The following AGFG1 variants were observed in gnomAD, a reference collection of about 807,000 sequenced individuals.
AGFG1 encodes the protein ArfGAP with FG repeats 1.
AGFG1 carries 10 observed loss-of-function variants against 60.6 expected under a neutral mutation model. That is an observed-to-expected ratio of 0.16 (90% CI 0.10 to 0.28). The LOEUF is 0.28. Among genes scored for constraint, AGFG1 ranks in the 10% least tolerant of loss-of-function variants. The probability of loss-of-function intolerance (pLI) is 1.00; values close to 1 mark genes in which losing one functional copy is unlikely to be tolerated. For missense variants in AGFG1, 537 were observed against 676.5 expected (o/e 0.79, Z 2.29); for synonymous variants, 247 against 242.9 (o/e 1.02, Z -0.16).
At chr2:227,483,063 C>T (rs1324331636) in intron 1 of AGFG1, among the ~76,000 whole-genome samples, 1 of 151,226 alleles carries the variant, frequency 6.6e-6, no homozygotes, top group African/African-American at 2.4e-5. Context: ...CAGTATTGGC[C>T]CCATGAAAGT....
At chr2:227,544,991 T>G (rs1010709571) in intron 10 of AGFG1, among the ~76,000 whole-genome samples, 1 of 152,186 alleles carries the variant, frequency 6.6e-6, no homozygotes, top group Non-Finnish European at 1.5e-5. Flanking sequence ...TTTCCTGAAT[T>G]TGAAGGTTGG....
At chr2:227,498,322 G>A (rs1022574977) in intron 2 of AGFG1, among the ~76,000 whole-genome samples, 3 of 151,728 alleles carry the variant, frequency 2.0e-5, no homozygotes, top group African/African-American at 7.3e-5. Flanking sequence ...TCAGTATGAT[G>A]GTATTAATAA....
intron 2 of AGFG1, among the ~76,000 whole-genome samples, chr2:227,512,407 A>G (rs1351820222): frequency 6.6e-6 from 1 of 152,222 alleles, no homozygotes; most frequent in African/African-American, 2.4e-5. Context: ...GTCAGTCAGA[A>G]ATACTAATCA....
Position 227,524,922 on chromosome 2 carries a change from GT to G in AGFG1, c.694+13del. 6.2e-7 allele frequency: 1 copy of G among 1,613,488 alleles called. No individual in the cohort carries two copies. Among genetic ancestry groups the G allele is most frequent in the Non-Finnish European group, 8.5e-7 (1 of 1,179,520 alleles). On this transcript the variant is annotated splice_region_variant and intron_variant, in intron 5 of 12. Coordinates refer to ENST00000310078, the MANE Select transcript of AGFG1 (RefSeq NM_004504.5). Reference sequence around the variant, plus strand: ...CATTTCAACAGTCATGCAGGTAAGTGTTTTTTCCCAACAGCTTTTGCTGGGG... The same window carrying G: ...CATTTCAACAGTCATGCAGGTAAGTGTTTTTCCCAACAGCTTTTGCTGGGG...
intron 5 of AGFG1, among the ~76,000 whole-genome samples, chr2:227,526,033 T>C (rs1284840381): frequency 1.3e-5 from 2 of 152,228 alleles, no homozygotes; most frequent in African/African-American, 4.8e-5. Context: ...GTTGATTTCC[T>C]AGCATTTTAT....
chr2:227,502,886 A>G (rs1223072049), intron 2 of AGFG1, among the ~76,000 whole-genome samples: 1 of 152,118 alleles, frequency 6.6e-6, no homozygotes, highest in African/African-American at 2.4e-5. Flanking sequence ...TTCTAGCTCT[A>G]TTGTTGAAAA....
chr2:227,548,115 G>T (rs968605205), intron 10 of AGFG1, among the ~76,000 whole-genome samples: 1 of 152,206 alleles, frequency 6.6e-6, no homozygotes, highest in Non-Finnish European at 1.5e-5. Flanking sequence ...GTGGCCATTT[G>T]TATGAAATGT....
intron 11 of AGFG1, among the ~76,000 whole-genome samples, chr2:227,553,389 G>A (rs1330660829): frequency 6.6e-6 from 1 of 151,970 alleles, no homozygotes; most frequent in African/African-American, 2.4e-5. Flanking sequence ...CCAGCTACTC[G>A]GGAAACTGAG....
chr2:227,472,709 C>T lies in AGFG1; in HGVS notation c.167+121C>T, dbSNP rs1252419863. On this transcript the variant is annotated intron_variant, in intron 1 of 12. Coordinates refer to ENST00000310078, the MANE Select transcript of AGFG1 (RefSeq NM_004504.5). ...GGGTGCCGTGGGAGGCGGTCGGGGG[C>T]GGCCGTTGGGCGCCGGCTGGCGGGC... 4 of 1,164,690 alleles carry T rather than the reference C, an allele frequency of 3.4e-6. No individual in the cohort carries two copies. In the African/African-American group the frequency reaches 4.9e-5, roughly 14 times the overall value. The allele number at this position is 1,164,690 out of a possible 1,614,324, so 72.1% of individuals were successfully genotyped here.
intron 5 of AGFG1, among the ~76,000 whole-genome samples, chr2:227,528,953 A>G (rs1692076398): frequency 6.6e-6 from 1 of 152,236 alleles, no homozygotes; most frequent in Admixed American, 6.5e-5. Flanking sequence ...TGAAGAAAGA[A>G]TGAAATAGCT....
At chr2:227,509,821 A>G (rs1691443389) in intron 2 of AGFG1, among the ~76,000 whole-genome samples, 1 of 152,246 alleles carries the variant, frequency 6.6e-6, no homozygotes, top group African/African-American at 2.4e-5. Flanking sequence ...AAATACAGCC[A>G]AATAGCCAAC....
intron 10 of AGFG1, among the ~76,000 whole-genome samples, chr2:227,546,033 A>G (rs1692636347): frequency 6.6e-6 from 1 of 152,138 alleles, no homozygotes; most frequent in South Asian, 2.1e-4. Context: ...TCAGACAGAG[A>G]CGTTTAAGTC....
intron 2 of AGFG1, among the ~76,000 whole-genome samples, chr2:227,514,434 T>C (rs757499256): frequency 6.6e-6 from 1 of 152,084 alleles, no homozygotes; most frequent in Non-Finnish European, 1.5e-5. Flanking sequence ...TCCAGGCTGG[T>C]CTTTACCTCC....
intron 5 of AGFG1, 77 bp from the exon 6 acceptor site, chr2:227,531,014 T>G: frequency 7.7e-7 from 1 of 1,305,012 alleles, no homozygotes; most frequent in Non-Finnish European, 1.0e-6. Context: ...TTCATATAAT[T>G]CTTAAACTCA....
rs1333763498 is a variant in AGFG1 at position 227,539,110 on chromosome 2, AAAGTT to A, written c.1378+2120_1378+2124del. 3.9e-5 allele frequency among the ~76,000 whole-genome samples: 6 copies of A among 152,326 alleles called. No individual in the cohort carries two copies. In the East Asian group the frequency reaches 1.2e-3, roughly 29 times the overall value. On this transcript the variant is annotated intron_variant, in intron 10 of 12. Transcript: ENST00000310078. ...AGAATTTCCAGTGTTTTATACCATC[AAAGTT>A]AATATTATTTAAGAATTTTTTGTTG...
chr2:227,477,628 A>G (rs938624130), intron 1 of AGFG1, among the ~76,000 whole-genome samples: 2 of 152,002 alleles, frequency 1.3e-5, no homozygotes, highest in Non-Finnish European at 2.9e-5. Context: ...ATTTTTTGAG[A>G]CGGAGTTTCA....
Position 227,559,795 on chromosome 2 carries a change from A to G in AGFG1, c.*5300A>G, listed in dbSNP as rs1294547168. The G allele has an allele frequency of 6.6e-6, 1 of 152,218 alleles. No homozygotes were observed. The highest frequency in any genetic ancestry group is 1.5e-5 in the Non-Finnish European group (1 of 68,030). 9.4% of individuals were successfully genotyped at this position (152,218 alleles called of 1,614,324 possible). A position where few individuals can be genotyped will look rare whatever the true frequency, so the allele number is the denominator to read the frequency against. On this transcript the variant is annotated 3_prime_UTR_variant, in exon 13 of 13. Transcript: ENST00000310078. ...CAAGGAGCCTTCTAATTTTGACTAT[A>G]TGATCATTAACTAAAGGCAGCAAGG...
intron 2 of AGFG1, among the ~76,000 whole-genome samples, chr2:227,513,483 G>A (rs532391245): frequency 7.2e-5 from 11 of 152,246 alleles, no homozygotes; most frequent in African/African-American, 1.7e-4. Flanking sequence ...TAGCCTGGCC[G>A]CATCCTTCCA....
At chr2:227,553,614 G>T in intron 11 of AGFG1, 90 bp from the exon 12 acceptor site, 1 of 1,043,858 alleles carries the variant, frequency 9.6e-7, no homozygotes, top group Non-Finnish European at 1.4e-6. Context: ...GCTCTGGTAG[G>T]AATGTCTCTG....
Sources: allele counts gnomAD v4.1 joint callset (sites outside exome capture counted in the v4.1 genomes callset), GRCh38; gene constraint gnomAD v4.1.1; transcripts MANE v1.5; gene names NCBI Gene and HGNC (gene_info 2026-07-23, HGNC 2026-07-21).